Variants in HS3ST4 observed in about 807,000 individuals in gnomAD.
HS3ST4 encodes heparan sulfate glucosamine 3-O-sulfotransferase 4.
In HS3ST4, 17 loss-of-function variants were observed where a neutral mutation model predicts 29.2. The ratio of observed to expected loss-of-function variants is 0.58; its 90% CI spans 0.40 to 0.87. The LOEUF (loss-of-function observed/expected upper bound fraction) is 0.87. HS3ST4 is among the 40% of genes least tolerant of loss of function. The probability of loss-of-function intolerance (pLI) is 0.00; values close to 1 mark genes in which losing one functional copy is unlikely to be tolerated. For missense variants in HS3ST4, 627 were observed against 634.5 expected, an observed-to-expected ratio of 0.99 and a Z score of 0.13; for synonymous variants, 314 against 285.7, an observed-to-expected ratio of 1.10 and a Z score of -1.00.
At chr16:25,910,628 C>T (rs901301277) in intron 1 of HS3ST4, among the ~76,000 whole-genome samples, 12 of 150,586 alleles carry the variant, frequency 8.0e-5, no homozygotes, top group African/African-American at 2.7e-4. Flanking sequence ...GCTTGGGCAA[C>T]GAGAGAGAGA....
chr16:25,828,301 C>CTTTCCCTCTCTCT (rs1555467593), intron 1 of HS3ST4, among the ~76,000 whole-genome samples: 2 of 32,896 alleles, frequency 6.1e-5, no homozygotes, highest in South Asian at 1.8e-3. Context: ...TCTTTCTTTC[C>CTTTCCCTCTCTCT]CTCTCTCTCT....
intron 1 of HS3ST4, among the ~76,000 whole-genome samples, chr16:26,097,433 T>C (rs891269112): frequency 5.3e-5 from 8 of 152,028 alleles, no homozygotes; most frequent in African/African-American, 1.4e-4. Context: ...ACACCACACA[T>C]CTACAACTAT....
At chr16:25,758,110 C>T (rs1966768300) in intron 1 of HS3ST4, among the ~76,000 whole-genome samples, 1 of 152,098 alleles carries the variant, frequency 6.6e-6, no homozygotes, top group Non-Finnish European at 1.5e-5. Context: ...CCTTGGTTAC[C>T]CCTGTTCTCC....
intron 1 of HS3ST4, among the ~76,000 whole-genome samples, chr16:26,102,602 A>G (rs1899002801): frequency 6.6e-6 from 1 of 152,126 alleles, no homozygotes; most frequent in African/African-American, 2.4e-5. Flanking sequence ...GTACAAAACA[A>G]ATACATTCCC....
chr16:25,702,393 G>A (rs2943334), intron 1 of HS3ST4, among the ~76,000 whole-genome samples: 149,060 of 152,300 alleles, frequency 0.98, 73,029 homozygotes, highest in Middle Eastern at 1. Context: ...CCAGAGAGAC[G>A]AAATAACTAG....
At position 25,818,437 on chromosome 16, in the gene HS3ST4, T is replaced by A. The variant is rs183513151; in HGVS notation, c.734+125286T>A. Among the ~76,000 whole-genome samples, 784 of 152,292 alleles carry A rather than the reference T, an allele frequency of 5.1e-3. 10 individuals carry two copies. The highest frequency in any genetic ancestry group is 0.017 in the African/African-American group (726 of 41,566). On this transcript the variant is annotated intron_variant, in intron 1 of 1. Coordinates refer to ENST00000331351, the MANE Select transcript of HS3ST4 (RefSeq NM_006040.3). ...TTGGACTTCCCAGCCTCTGGAACCA[T>A]GAGAAATAAACTTCTGTTGTTTAAA...
chr16:25,788,540 C>CTTTT lies in HS3ST4; in HGVS notation c.734+95392_734+95393insTTTT, dbSNP rs34729954. ...TTCCTACATTTTTTTTTCTTTTCTT[C>CTTTT]TTTCTTTTTTTTTTTTTTTTGACAG... is the stretch of plus-strand genomic sequence containing the variant. On this transcript the variant is annotated intron_variant, in intron 1 of 1. Coordinates refer to ENST00000331351, the MANE Select transcript of HS3ST4 (RefSeq NM_006040.3). Among the ~76,000 whole-genome samples, 659 of 98,988 alleles carry CTTTT rather than the reference C, an allele frequency of 6.7e-3. 8 individuals are homozygous for CTTTT. Among genetic ancestry groups the CTTTT allele is most frequent in the Non-Finnish European group, 9.7e-3 (506 of 52,334 alleles). 64.9% of individuals were successfully genotyped at this position (98,988 alleles called of 152,430 possible).
At chr16:25,695,295 CA>C (rs1966286775) in intron 1 of HS3ST4, among the ~76,000 whole-genome samples, 1 of 152,186 alleles carries the variant, frequency 6.6e-6, no homozygotes, top group Admixed American at 6.5e-5. Context: ...GCATCTAGTC[CA>C]GGGGTGCTGA....
intron 1 of HS3ST4, among the ~76,000 whole-genome samples, chr16:26,081,748 C>A (rs939077647): frequency 6.7e-6 from 1 of 148,444 alleles, no homozygotes; most frequent in African/African-American, 2.5e-5. Context: ...TAGGAACTGC[C>A]GGTAGAGGTA....
intron 1 of HS3ST4, among the ~76,000 whole-genome samples, chr16:25,864,204 T>C (rs1967669676): frequency 6.6e-6 from 1 of 152,224 alleles, no homozygotes; most frequent in Admixed American, 6.5e-5. Context: ...AAAAATTGCA[T>C]GTATTTACGG....
At chr16:26,134,147 A>G (rs968951227) in intron 1 of HS3ST4, among the ~76,000 whole-genome samples, 1 of 152,184 alleles carries the variant, frequency 6.6e-6, no homozygotes, top group East Asian at 1.9e-4. Context: ...GCAAACTCGG[A>G]TGGAGGAATG....
chr16:25,735,454 T>A (rs1334911101), intron 1 of HS3ST4, among the ~76,000 whole-genome samples: 1 of 151,948 alleles, frequency 6.6e-6, no homozygotes, highest in African/African-American at 2.4e-5. Flanking sequence ...AGTGGTGCAA[T>A]CATGGCTTAC....
chr16:25,721,913 G>A (rs1287293926), intron 1 of HS3ST4, among the ~76,000 whole-genome samples: 1 of 152,164 alleles, frequency 6.6e-6, no homozygotes, highest in Non-Finnish European at 1.5e-5. Flanking sequence ...TCCCTTCTCT[G>A]TGCAAGACAC....
chr16:26,103,453 T>C (rs1439602550), intron 1 of HS3ST4, among the ~76,000 whole-genome samples: 2 of 152,098 alleles, frequency 1.3e-5, no homozygotes, highest in Non-Finnish European at 2.9e-5. Context: ...AGAAAGCCGT[T>C]AACAGATACT....
chr16:25,789,003 G>A (rs1218787035), intron 1 of HS3ST4, among the ~76,000 whole-genome samples: 1 of 152,096 alleles, frequency 6.6e-6, no homozygotes, highest in Non-Finnish European at 1.5e-5. Flanking sequence ...GGCCCAATTT[G>A]GGTTATATGT....
At chr16:25,803,663 T>C (rs1966962618) in intron 1 of HS3ST4, among the ~76,000 whole-genome samples, 1 of 152,190 alleles carries the variant, frequency 6.6e-6, no homozygotes, top group South Asian at 2.1e-4. Flanking sequence ...AGAGAATTTT[T>C]TTCTGACTTT....
intron 1 of HS3ST4, among the ~76,000 whole-genome samples, chr16:26,128,718 G>T (rs1899378438): frequency 1.3e-5 from 2 of 152,160 alleles, no homozygotes; most frequent in African/African-American, 4.8e-5. Context: ...CTGACTTCCA[G>T]TTTTTGCATC....
intron 1 of HS3ST4, among the ~76,000 whole-genome samples, chr16:26,115,264 T>TAC (rs368821262): frequency 0.066 from 9,028 of 136,532 alleles, 302 homozygotes; most frequent in Middle Eastern, 0.11. Flanking sequence ...TATACATATA[T>TAC]ATACACACAC....
intron 1 of HS3ST4, among the ~76,000 whole-genome samples, chr16:26,101,021 C>G (rs1898983800): frequency 6.6e-6 from 1 of 152,188 alleles, no homozygotes; most frequent in Non-Finnish European, 1.5e-5. Context: ...GTTACTAAAG[C>G]CCAGAGCCTG....
Sources: allele counts gnomAD v4.1 joint callset (sites outside exome capture counted in the v4.1 genomes callset), GRCh38; gene constraint gnomAD v4.1.1; transcripts MANE v1.5; gene names NCBI Gene and HGNC (gene_info 2026-07-23, HGNC 2026-07-21).